The following CFAP54 variants were observed in gnomAD, a reference collection of about 807,000 sequenced individuals.
CFAP54 encodes the protein cilia- and flagella-associated protein 54.
CFAP54 carries 290 observed loss-of-function variants against 370.4 expected under a neutral mutation model. The observed-to-expected ratio is 0.78, with a 90% CI of 0.71 to 0.86. The LOEUF is 0.86. Ranked by LOEUF, CFAP54 falls within the 40% of genes least tolerant of loss-of-function variation. The probability of loss-of-function intolerance (pLI) is 0.00; values close to 1 mark genes in which losing one functional copy is unlikely to be tolerated. For synonymous variants in CFAP54, 1,206 were observed against 1,236.5 expected, an observed-to-expected ratio of 0.98 and a Z score of 0.52; for missense variants, 3,399 against 3,528.7, an observed-to-expected ratio of 0.96 and a Z score of 0.93.
chr12:96,616,673 A>T (rs1333692487), intron 26 of CFAP54, among the ~76,000 whole-genome samples: 1 of 152,228 alleles, frequency 6.6e-6, no homozygotes, highest in Admixed American at 6.5e-5. Flanking sequence ...AATCAGTTAG[A>T]AAATATGGAA....
Position 96,792,311 on chromosome 12 carries a change from T to G in CFAP54, c.8680-18T>G. The G allele has an allele frequency of 6.8e-7, 1 of 1,468,774 alleles. No individual in the cohort carries two copies. The highest frequency in any genetic ancestry group is 9.0e-7 in the Non-Finnish European group (1 of 1,113,018). 91.0% of individuals were successfully genotyped at this position (1,468,774 alleles called of 1,614,324 possible). A position where few individuals can be genotyped will look rare whatever the true frequency, so the allele number is the denominator to read the frequency against. ...TTTATTACCAGTAATTAAACTGATG[T>G]TTTTGTTTGTTCCCTAGTTGTATCG... On this transcript the variant is annotated intron_variant, in intron 62 of 67. Transcript: ENST00000524981.
At chr12:96,645,373 C>T (rs1956776501) in intron 33 of CFAP54, 1 of 291,146 alleles carries the variant, frequency 3.4e-6, no homozygotes. Flanking sequence ...AATAAAATAC[C>T]CAGGAATCCA....
chr12:96,720,323 A>G (rs547789077), intron 49 of CFAP54, 82 bp from the exon 50 acceptor site: 2 of 1,173,286 alleles, frequency 1.7e-6, no homozygotes, highest in Non-Finnish European at 2.2e-6. Flanking sequence ...TTTTCAGTAC[A>G]TGAAAAATAT....
At chr12:96,640,782 G>A (rs897045187) in intron 32 of CFAP54, among the ~76,000 whole-genome samples, 3 of 152,106 alleles carry the variant, frequency 2.0e-5, no homozygotes, top group East Asian at 3.9e-4. Flanking sequence ...CATATCTACA[G>A]CTATCTGATC....
intron 22 of CFAP54, among the ~76,000 whole-genome samples, chr12:96,586,077 C>T (rs1371982890): frequency 1.3e-5 from 2 of 152,108 alleles, no homozygotes; most frequent in Non-Finnish European, 2.9e-5. Context: ...TCACTCAACA[C>T]ATTATTTGAG....
intron 39 of CFAP54, among the ~76,000 whole-genome samples, chr12:96,678,249 C>T (rs889196694): frequency 6.6e-6 from 1 of 152,066 alleles, no homozygotes; most frequent in African/African-American, 2.4e-5. Flanking sequence ...TATACCCCTT[C>T]GTTTTTGTAT....
chr12:96,519,585 A>G (rs1434855570), intron 6 of CFAP54, among the ~76,000 whole-genome samples: 12 of 151,948 alleles, frequency 7.9e-5, no homozygotes, highest in Non-Finnish European at 1.8e-4. Context: ...TTTATTCTCT[A>G]TTCATTTTCA....
At chr12:96,601,919 A>G (rs1240560263) in intron 26 of CFAP54, among the ~76,000 whole-genome samples, 2 of 152,096 alleles carry the variant, frequency 1.3e-5, no homozygotes, top group East Asian at 1.9e-4. Context: ...TCCTGGATTC[A>G]TTGATTTTTT....
At chr12:96,711,256 T>G (rs1352771908) in intron 48 of CFAP54, among the ~76,000 whole-genome samples, 2 of 152,168 alleles carry the variant, frequency 1.3e-5, no homozygotes, top group Non-Finnish European at 2.9e-5. Flanking sequence ...TAGTAATGTT[T>G]CCTCTTTCAT....
At chr12:96,677,893 C>T (rs571292154) in intron 39 of CFAP54, among the ~76,000 whole-genome samples, 7 of 152,196 alleles carry the variant, frequency 4.6e-5, no homozygotes, top group African/African-American at 1.7e-4. Flanking sequence ...CCATCAGGAC[C>T]TCCCTGCTCC....
At chr12:96,550,389 C>T (rs1362597373) in intron 15 of CFAP54, among the ~76,000 whole-genome samples, 1 of 152,136 alleles carries the variant, frequency 6.6e-6, no homozygotes, top group Non-Finnish European at 1.5e-5. Flanking sequence ...CCAGCCTGGC[C>T]AACATGGCAA....
chr12:96,753,922 C>T, intron 56 of CFAP54, 24 bp downstream of exon 56: 3 of 1,597,910 alleles, frequency 1.9e-6, no homozygotes, highest in Non-Finnish European at 2.6e-6. Context: ...GGGGTCAGAA[C>T]TATGATAAAA....
intron 19 of CFAP54, among the ~76,000 whole-genome samples, chr12:96,574,790 A>T (rs377512108): frequency 2.8e-4 from 42 of 152,054 alleles, no homozygotes; most frequent in Admixed American, 1.5e-3. Context: ...ATTTTATTTA[A>T]GGTGTCTGCA....
chr12:96,756,489 G>C lies in CFAP54; in HGVS notation c.7872G>C (p.Glu2624Asp). 1 of 1,602,660 alleles carries C rather than the reference G, an allele frequency of 6.2e-7. No homozygotes were observed. The highest frequency in any genetic ancestry group is 1.7e-4 in the Middle Eastern group (1 of 6,040). Residue 2624 changes from glutamate (E) to aspartate (D), a missense_variant, in exon 57 of 68, where the codon GAG becomes GAC. Physicochemically the swap from Glu to Asp is conservative, Grantham distance 45. Around this residue, in one of 3 missense-constraint regions of CFAP54, gnomAD observed 2,796 missense variants for 2,869.7 expected, o/e 0.97. Coordinates refer to ENST00000524981, the MANE Select transcript of CFAP54 (RefSeq NM_001306084.2). ...TAGAACGTCAAATACTAATGGAAGAGAAATCTCCAAGTTTTCAACTTGAGA... is the reference window on the plus strand; with the variant it reads ...TAGAACGTCAAATACTAATGGAAGACAAATCTCCAAGTTTTCAACTTGAGA... ...GKIERQILME[E>D]KSPSFQLESL...
At chr12:96,536,868 C>T (rs375596597) in intron 12 of CFAP54, among the ~76,000 whole-genome samples, 6 of 152,130 alleles carry the variant, frequency 3.9e-5, no homozygotes, top group Admixed American at 6.5e-5. Flanking sequence ...TCAGATGATC[C>T]GCCCACCTCA....
intron 4 of CFAP54, among the ~76,000 whole-genome samples, chr12:96,510,520 T>A (rs1955153828): frequency 6.6e-6 from 1 of 152,132 alleles, no homozygotes; most frequent in Non-Finnish European, 1.5e-5. Context: ...CCTTCCTCAG[T>A]TCCCCAGTTC....
chr12:96,695,746 C>T (rs1460606173), intron 45 of CFAP54, among the ~76,000 whole-genome samples: 1 of 152,162 alleles, frequency 6.6e-6, no homozygotes, highest in African/African-American at 2.4e-5. Context: ...TGCCTACTGT[C>T]CACTCTCTAT....
At chr12:96,709,701 T>TTTATTATTG (rs1555301705) in intron 48 of CFAP54, among the ~76,000 whole-genome samples, 1 of 144,072 alleles carries the variant, frequency 6.9e-6, no homozygotes, top group Non-Finnish European at 1.5e-5. Flanking sequence ...TTGATCATGG[T>TTTATTATTG]TTATTATTAT....
chr12:96,507,814 C>T (rs2136354630), intron 4 of CFAP54, among the ~76,000 whole-genome samples: 1 of 152,244 alleles, frequency 6.6e-6, no homozygotes, highest in African/African-American at 2.4e-5. Flanking sequence ...CCTTTCTCAC[C>T]CACCCCCAAG....
Sources: gnomAD v4.1 joint callset for allele counts (sites outside exome capture counted in the v4.1 genomes callset) on GRCh38, gnomAD v4.1.1 for gene constraint, gnomAD v4.1.1 regional missense constraint, MANE v1.5 for transcripts, NCBI Gene and HGNC (gene_info 2026-07-23, HGNC 2026-07-21) for gene names.